Variants in DNAH5 observed in about 807,000 individuals in gnomAD.
DNAH5 encodes the protein axonemal beta dynein heavy chain 5.
DNAH5 carries 372 observed loss-of-function variants against 518.2 expected under a neutral mutation model. That is an observed-to-expected ratio of 0.72 (90% CI 0.66 to 0.78). The LOEUF (loss-of-function observed/expected upper bound fraction) is 0.78, where lower values mean the gene tolerates loss of function less well. Ranked by LOEUF, DNAH5 falls within the 30% of genes least tolerant of loss-of-function variation. The pLI, the probability that DNAH5 is intolerant of heterozygous loss-of-function variation, is 0.00. For synonymous variants in DNAH5, 2,039 were observed against 2,025.9 expected, an observed-to-expected ratio of 1.01 and a Z score of -0.17; for missense variants, 5,523 against 5,687.0, an observed-to-expected ratio of 0.97 and a Z score of 0.93.
rs755583134 is a variant in DNAH5 at position 13,866,279 on chromosome 5, C to A, written c.4057G>T (p.Gly1353Cys). The A allele has an allele frequency of 6.2e-7, 1 of 1,612,670 alleles. No individual in the cohort carries two copies. Among genetic ancestry groups the A allele is most frequent in the East Asian group, 2.2e-5 (1 of 44,822 alleles). ...GGCTTCAAGCCGCTAGCCATTGGAC[C>A]ATTCTGAACAAAAAGTAAAAAAAGA... ...HQFYLDYDLN[G>C]PMASGLKPQE... is the part of the protein sequence containing the mutation. The change falls in exon 26 of 79, where the codon GGT becomes TGT. Residue 1353 changes from glycine to cysteine, a missense_variant. Around this residue, in one of 3 missense-constraint regions of DNAH5, gnomAD observed 5,121 missense variants for 5,223.3 expected, o/e 0.98. Coordinates refer to ENST00000265104, the MANE Select transcript of DNAH5 (RefSeq NM_001369.3).
At chr5:13,758,803 G>A (rs762149410) in intron 61 of DNAH5, 43 bp downstream of exon 61, 79 of 1,613,588 alleles carry the variant, frequency 4.9e-5, no homozygotes, top group South Asian at 1.6e-4. Flanking sequence ...GAGAGAAGCC[G>A]TGTAGATATG....
chr5:13,994,051 C>G (rs6868111), intron 1 of DNAH5, among the ~76,000 whole-genome samples: 44,768 of 152,082 alleles, frequency 0.29, 6,889 homozygotes, highest in East Asian at 0.6. Flanking sequence ...CCGTCCTCTG[C>G]TCACCTCTGA....
intron 1 of DNAH5, among the ~76,000 whole-genome samples, chr5:13,935,357 T>C (rs1212637187): frequency 6.6e-6 from 1 of 152,190 alleles, no homozygotes; most frequent in African/African-American, 2.4e-5. Context: ...AGAAGACTAA[T>C]TATTCTATTT....
chr5:13,722,070 C>T (rs1002057817), intron 70 of DNAH5, among the ~76,000 whole-genome samples: 2 of 152,172 alleles, frequency 1.3e-5, no homozygotes, highest in African/African-American at 4.8e-5. Flanking sequence ...TCCCCAGCAG[C>T]ATTCTCCACA....
At chr5:13,901,704 T>C (rs1317675606) in intron 13 of DNAH5, 131 bp from the exon 14 acceptor site, 1 of 631,108 alleles carries the variant, frequency 1.6e-6, no homozygotes, top group African/African-American at 1.9e-5. Context: ...ATGAGATATT[T>C]ACATGGAATA....
At chr5:13,733,492 G>T (rs1746902629) in intron 68 of DNAH5, among the ~76,000 whole-genome samples, 3 of 151,776 alleles carry the variant, frequency 2.0e-5, no homozygotes, top group African/African-American at 7.3e-5. Flanking sequence ...GTTCACCAGA[G>T]AAGGCAGCTC....
In DNAH5 at chr5:13,861,952, CAAAAAAAAAAAAAAA is replaced by C. The variant is rs59674964; in HGVS notation, c.4796+581_4796+595del. ...TGGGTGACAAAGCAAGATTCCATCT[CAAAAAAAAAAAAAAA>C]AAAAAAAAACAAGTTCAAATGTACC... On this transcript the variant is annotated intron_variant, in intron 29 of 78. Coordinates refer to ENST00000265104, the MANE Select transcript of DNAH5 (RefSeq NM_001369.3). Among the ~76,000 whole-genome samples the C allele has an allele frequency of 1.1e-3, 55 of 49,516 alleles. 2 individuals are homozygous for C. The Admixed American group carries it at 0.016, about 14-fold the overall frequency. The allele number at this position is 49,516 out of a possible 152,430, so 32.5% of individuals were successfully genotyped here.
Position 13,841,060 on chromosome 5 carries a change from T to A in DNAH5, c.5555A>T (p.Asp1852Val). The A allele has an allele frequency of 6.2e-7, 1 of 1,614,178 alleles. No individual in the cohort carries two copies. Among genetic ancestry groups the A allele is most frequent in the East Asian group, 2.2e-5 (1 of 44,874 alleles). Residue 1852 changes from aspartate (D) to valine (V), a missense_variant, in exon 34 of 79, where the codon GAT (aspartate) becomes GTT (valine). Coordinates refer to ENST00000265104, the MANE Select transcript of DNAH5 (RefSeq NM_001369.3). Reference protein sequence around the residue: ...SEEALRNAKFDKKIMQKTNQA... With the variant: ...SEEALRNAKFVKKIMQKTNQA... ...ATTAGTTTTCTGCATGATTTTTTTATCAAACTTGGCATTTCTAAGGGCTTC... is the reference window on the plus strand; with the variant it reads ...ATTAGTTTTCTGCATGATTTTTTTAACAAACTTGGCATTTCTAAGGGCTTC...
intron 23 of DNAH5, 149 bp downstream of exon 23, chr5:13,871,415 T>A (rs1458358498): frequency 2.9e-6 from 2 of 699,948 alleles, no homozygotes. Flanking sequence ...AGAAGAAAAT[T>A]TTTTAAAAAT....
intron 65 of DNAH5, among the ~76,000 whole-genome samples, chr5:13,746,365 T>C (rs765345030): frequency 5.3e-5 from 8 of 152,144 alleles, no homozygotes; most frequent in Non-Finnish European, 1.2e-4. Flanking sequence ...AATCTATTTG[T>C]TAGGTTACTA....
rs116416689 is a variant in DNAH5, at chr5:13,741,317, G to A, written c.11212-3822C>T. ...TCTGAGCACAGTGAATCAGGTCTGC[G>A]GACATTCGAGGAAAGGAAGAATTCC... On this transcript the variant is annotated intron_variant, in intron 65 of 78. Coordinates refer to ENST00000265104, the MANE Select transcript of DNAH5 (RefSeq NM_001369.3). Among the ~76,000 whole-genome samples, 794 of 152,178 alleles carry A rather than the reference G, an allele frequency of 5.2e-3. 3 individuals are homozygous for A. The highest frequency in any genetic ancestry group is 8.7e-3 in the Non-Finnish European group (595 of 68,012).
In DNAH5 at chr5:13,694,470, A is replaced by AG. The variant is rs1450857674; in HGVS notation, c.13724-2336dup. Reference sequence around the variant, plus strand: ...CTTTGAAGACAAAAATAGGCATGCTAGGTAGGTAGAACAAATCACCTAAGT... The same window carrying AG: ...CTTTGAAGACAAAAATAGGCATGCTAGGGTAGGTAGAACAAATCACCTAAGT... On this transcript the variant is annotated intron_variant, in intron 78 of 78. Coordinates refer to ENST00000265104, the MANE Select transcript of DNAH5 (RefSeq NM_001369.3). Among the ~76,000 whole-genome samples the AG allele has an allele frequency of 2.0e-5, 3 of 152,302 alleles. No individual in the cohort carries two copies. The East Asian group carries it at 5.8e-4, about 29-fold the overall frequency.
At chr5:13,692,709 A>G (rs1278936555) in intron 78 of DNAH5, among the ~76,000 whole-genome samples, 1 of 152,198 alleles carries the variant, frequency 6.6e-6, no homozygotes. Flanking sequence ...CACCTCCCTG[A>G]GACTCAGTCT....
At chr5:13,937,058 C>T (rs555686691) in intron 1 of DNAH5, among the ~76,000 whole-genome samples, 192 of 151,930 alleles carry the variant, frequency 1.3e-3, no homozygotes, top group Middle Eastern at 3.4e-3. Flanking sequence ...TTATTATCTC[C>T]ACACCAGGAA....
chr5:13,914,551 T>A lies in DNAH5; in HGVS notation c.1289A>T (p.Glu430Val), dbSNP rs755965826. 3 of 1,613,458 alleles carry A rather than the reference T, an allele frequency of 1.9e-6. No individual in the cohort carries two copies. The Admixed American group carries it at 5.0e-5, about 27-fold the overall frequency. The change falls in exon 10 of 79, where the codon GAA (glutamate) becomes GTA (valine). Residue 430 changes from glutamate to valine, a missense_variant. Coordinates refer to ENST00000265104, the MANE Select transcript of DNAH5 (RefSeq NM_001369.3). ...CAGTTTAATCGCAGATAGTATTTTT[T>A]CTTCAACAACATCCTGTGGCTGGTT... ...IWNQPQDVVE[E>V]KILSAIKLKQ... is the part of the protein sequence containing the mutation.
intron 55 of DNAH5, among the ~76,000 whole-genome samples, chr5:13,773,514 T>C (rs1296010112): frequency 1.3e-5 from 2 of 152,166 alleles, no homozygotes; most frequent in Non-Finnish European, 2.9e-5. Flanking sequence ...CAAGGCCATA[T>C]TATGGAAAGA....
intron 65 of DNAH5, 40 bp downstream of exon 65, chr5:13,751,038 T>C (rs368602312): frequency 6.2e-7 from 1 of 1,602,188 alleles, no homozygotes; most frequent in South Asian, 1.1e-5. Flanking sequence ...AATATGACAT[T>C]AAAGCAATGC....
At chr5:13,993,743 G>A (rs1783729218) in intron 1 of DNAH5, among the ~76,000 whole-genome samples, 1 of 152,216 alleles carries the variant, frequency 6.6e-6, no homozygotes. Flanking sequence ...CTAATGTACA[G>A]ACGTGCCCCA....
At chr5:13,909,797 G>A (rs1411350094) in intron 12 of DNAH5, among the ~76,000 whole-genome samples, 4 of 152,150 alleles carry the variant, frequency 2.6e-5, no homozygotes, top group Non-Finnish European at 4.4e-5. Context: ...ATCTGACTAT[G>A]AGCTGCGAGG....
Sources: allele counts gnomAD v4.1 joint callset (sites outside exome capture counted in the v4.1 genomes callset), GRCh38; gene constraint gnomAD v4.1.1; regional missense constraint gnomAD v4.1.1; transcripts MANE v1.5; gene names NCBI Gene and HGNC (gene_info 2026-07-23, HGNC 2026-07-21).